GABRA4: variants seen among roughly 807,000 people sequenced by gnomAD.
GABRA4 encodes the protein gamma-aminobutyric acid receptor subunit alpha-4.
A neutral mutation model predicts 49.7 loss-of-function variants in GABRA4; 12 were observed. The ratio of observed to expected loss-of-function variants is 0.24; its 90% CI spans 0.15 to 0.39. The LOEUF (loss-of-function observed/expected upper bound fraction) is 0.39. Among genes scored for constraint, GABRA4 ranks in the 10% least tolerant of loss-of-function variants. The pLI is 1.00. For synonymous variants in GABRA4, 288 were observed against 240.2 expected, an observed-to-expected ratio of 1.20 and a Z score of -1.84; for missense variants, 506 against 686.0, an observed-to-expected ratio of 0.74 and a Z score of 2.93.
chr4:46,978,687 C>CAAAAAAAAAAAAA (rs71193889), intron 3 of GABRA4, among the ~76,000 whole-genome samples: 12 of 21,648 alleles, frequency 5.5e-4, no homozygotes, highest in African/African-American at 7.6e-4. Context: ...AACTTCATCT[C>CAAAAAAAAAAAAA]AAAAAAAAAA....
At chr4:46,989,468 T>C (rs1181863050) in intron 2 of GABRA4, among the ~76,000 whole-genome samples, 6 of 152,188 alleles carry the variant, frequency 3.9e-5, no homozygotes, top group Non-Finnish European at 8.8e-5. Context: ...CCATGACTCC[T>C]TCCCTCTCTT....
At position 46,926,959 on chromosome 4, in the gene GABRA4, T is replaced by C. The variant is rs1319620326; in HGVS notation, c.*1266A>G. 2 of 151,852 alleles carry C rather than the reference T, an allele frequency of 1.3e-5. No homozygotes were observed. Among genetic ancestry groups the C allele is most frequent in the Admixed American group, 6.6e-5 (1 of 15,176 alleles). 9.4% of individuals were successfully genotyped at this position (151,852 alleles called of 1,614,324 possible). A position where few individuals can be genotyped will look rare whatever the true frequency, so the allele number is the denominator to read the frequency against. ...AAAAAAACTCCCAAAAAAACCAACA[T>C]GATGACTGCCCAGAATTACAGAACT... On this transcript the variant is annotated 3_prime_UTR_variant, in exon 9 of 9. Transcript: ENST00000264318.
intron 8 of GABRA4, among the ~76,000 whole-genome samples, chr4:46,941,709 C>T (rs10021918): frequency 0.24 from 36,913 of 151,824 alleles, 4,689 homozygotes; most frequent in East Asian, 0.29. Context: ...GTATTTTGTG[C>T]CATGTTCAAA....
intron 8 of GABRA4, among the ~76,000 whole-genome samples, chr4:46,949,643 A>G (rs1401093498): frequency 6.6e-6 from 1 of 152,140 alleles, no homozygotes; most frequent in Non-Finnish European, 1.5e-5. Context: ...TTATCTCAAT[A>G]ATATATTGGT....
chr4:46,921,056 G>A lies in GABRA4; in HGVS notation c.*7169C>T, dbSNP rs1195168759. 1.3e-5 allele frequency: 2 copies of A among 151,468 alleles called. No individual in the cohort carries two copies. The highest frequency in any genetic ancestry group is 1.9e-4 in the East Asian group (1 of 5,180). 9.4% of individuals were successfully genotyped at this position (151,468 alleles called of 1,614,324 possible). The stretch of plus-strand genomic sequence containing the variant: ...CATAGTTCCATTTTTCCATTTTGAA[G>A]TGGAGATGTTTGTCTCTAGTAAAAG... On this transcript the variant is annotated 3_prime_UTR_variant, in exon 9 of 9. Transcript: ENST00000264318.
intron 2 of GABRA4, among the ~76,000 whole-genome samples, chr4:46,992,426 T>C (rs1255516783): frequency 6.6e-6 from 1 of 152,220 alleles, no homozygotes; most frequent in East Asian, 1.9e-4. Flanking sequence ...CATGGACACG[T>C]GGGAGGATGA....
At chr4:46,944,330 G>C (rs1721911524) in intron 8 of GABRA4, among the ~76,000 whole-genome samples, 2 of 139,642 alleles carry the variant, frequency 1.4e-5, no homozygotes, top group African/African-American at 5.1e-5. Context: ...CAACTTCTTT[G>C]TCAGCCAGGG....
At chr4:46,954,035 T>C (rs1160918623) in intron 8 of GABRA4, among the ~76,000 whole-genome samples, 2 of 152,148 alleles carry the variant, frequency 1.3e-5, no homozygotes, top group Non-Finnish European at 1.5e-5. Flanking sequence ...CTGTAAAAAG[T>C]ATTGCTGTGA....
At position 46,923,448 on chromosome 4, in the gene GABRA4, C is replaced by T. The variant is rs967721074; in HGVS notation, c.*4777G>A. ...TAATCAAGCAATCTACTCTTCTAGA[C>T]AAACATATCCAAATACAAAATATTT... On this transcript the variant is annotated 3_prime_UTR_variant, in exon 9 of 9. Coordinates refer to ENST00000264318, the MANE Select transcript of GABRA4 (RefSeq NM_000809.4). The T allele has an allele frequency of 6.6e-6, 1 of 152,010 alleles. No individual in the cohort carries two copies. Among genetic ancestry groups the T allele is most frequent in the African/African-American group, 2.4e-5 (1 of 41,420 alleles). 9.4% of individuals were successfully genotyped at this position (152,010 alleles called of 1,614,324 possible).
intron 8 of GABRA4, 134 bp downstream of exon 8, chr4:46,964,836 T>G: frequency 1.0e-6 from 1 of 974,164 alleles, no homozygotes; most frequent in Non-Finnish European, 1.5e-6. Flanking sequence ...TACAGTTACT[T>G]TTATGTTTTT....
In GABRA4 at chr4:46,921,411, A is replaced by T. The variant is rs549974561; in HGVS notation, c.*6814T>A. On this transcript the variant is annotated 3_prime_UTR_variant, in exon 9 of 9. Transcript: ENST00000264318. ...ACAAAGGAAAGGGAAGCAATCTCAG[A>T]GGAAAACTCTGGGATTCCCCTATAG... 6.6e-6 allele frequency: 1 copy of T among 152,024 alleles called. No homozygotes were observed. The highest frequency in any genetic ancestry group is 1.9e-4 in the East Asian group (1 of 5,182). The allele number at this position is 152,024 out of a possible 1,614,324, so 9.4% of individuals were successfully genotyped here.
At chr4:46,959,383 G>T (rs1722478206) in intron 8 of GABRA4, among the ~76,000 whole-genome samples, 1 of 151,904 alleles carries the variant, frequency 6.6e-6, no homozygotes, top group Admixed American at 6.6e-5. Flanking sequence ...AGGATATGAA[G>T]CATATAATGC....
In GABRA4 at chr4:46,923,815, C is replaced by T. The variant is rs1201766894; in HGVS notation, c.*4410G>A. 6.6e-6 allele frequency: 1 copy of T among 152,048 alleles called. No individual in the cohort carries two copies. The highest frequency in any genetic ancestry group is 1.5e-5 in the Non-Finnish European group (1 of 68,014). The allele number at this position is 152,048 out of a possible 1,614,324, so 9.4% of individuals were successfully genotyped here. On this transcript the variant is annotated 3_prime_UTR_variant, in exon 9 of 9. Transcript: ENST00000264318. ...AATTCCATTCCTTCAGTAATTTACA[C>T]AAAACTCTTCCTAATCCAGGCTCTT... is the stretch of plus-strand genomic sequence containing the variant.
At chr4:46,939,174 G>A (rs573953816) in intron 8 of GABRA4, among the ~76,000 whole-genome samples, 2 of 152,062 alleles carry the variant, frequency 1.3e-5, no homozygotes, top group East Asian at 1.9e-4. Flanking sequence ...AAGGCAGACC[G>A]ATACTCTTCC....
At chr4:46,976,651 T>C (rs1483034822) in intron 5 of GABRA4, among the ~76,000 whole-genome samples, 1 of 151,692 alleles carries the variant, frequency 6.6e-6, no homozygotes, top group African/African-American at 2.4e-5. Context: ...CTGCTTACAA[T>C]AGAATATCTA....
chr4:46,979,815 G>T (rs1477879353), intron 2 of GABRA4, among the ~76,000 whole-genome samples: 1 of 152,060 alleles, frequency 6.6e-6, no homozygotes, highest in Non-Finnish European at 1.5e-5. Context: ...TCCATGTGAG[G>T]TTCCCTTTGC....
At chr4:46,986,219 C>T (rs533487497) in intron 2 of GABRA4, among the ~76,000 whole-genome samples, 79 of 152,104 alleles carry the variant, frequency 5.2e-4, no homozygotes, top group African/African-American at 1.8e-3. Context: ...CTTCTACCAT[C>T]GCAATTTCTC....
At chr4:46,957,270 A>G (rs1324029725) in intron 8 of GABRA4, among the ~76,000 whole-genome samples, 1 of 27,552 alleles carries the variant, frequency 3.6e-5, no homozygotes, top group Non-Finnish European at 6.8e-5. Flanking sequence ...TTTGACTTTG[A>G]AGGATAAATA....
At chr4:46,974,177 A>C (rs1029858914) in intron 6 of GABRA4, 55 bp downstream of exon 6, 16 of 1,528,664 alleles carry the variant, frequency 1.0e-5, no homozygotes, top group Non-Finnish European at 1.3e-5. Flanking sequence ...AGTCAGGAGA[A>C]AACTTTATTG....
Sources: gnomAD v4.1 joint callset for allele counts (sites outside exome capture counted in the v4.1 genomes callset) on GRCh38, gnomAD v4.1.1 for gene constraint, MANE v1.5 for transcripts, NCBI Gene and HGNC (gene_info 2026-07-23, HGNC 2026-07-21) for gene names.